PLEKHS1: variants seen among roughly 807,000 people sequenced by gnomAD.
The protein encoded by PLEKHS1 is pleckstrin homology domain containing S1, also known as pleckstrin homology domain-containing family S member 1.
PLEKHS1 carries 55 observed loss-of-function variants against 51.0 expected under a neutral mutation model. The observed-to-expected ratio is 1.08, with a 90% CI of 0.87 to 1.35. The LOEUF is 1.35. PLEKHS1 is among the 40% of genes most tolerant of loss of function. The pLI is 0.00. For missense variants in PLEKHS1, 398 were observed against 423.0 expected (o/e 0.94, Z 0.52); for synonymous variants, 153 against 144.8 (o/e 1.06, Z -0.41).
chr10:113,753,020 T>C (rs1853918741), intron 1 of PLEKHS1, among the ~76,000 whole-genome samples: 2 of 152,238 alleles, frequency 1.3e-5, no homozygotes, highest in Non-Finnish European at 2.9e-5. Flanking sequence ...AAATAATGTA[T>C]GCAAATGCAT....
At chr10:113,756,401 C>T (rs916399103) in intron 2 of PLEKHS1, among the ~76,000 whole-genome samples, 37 of 152,218 alleles carry the variant, frequency 2.4e-4, no homozygotes, top group African/African-American at 7.7e-4. Context: ...GCAGAGGTTG[C>T]AGAGAGCCAA....
intron 2 of PLEKHS1, chr10:113,764,784 C>T (rs1473760346): frequency 6.6e-6 from 1 of 152,328 alleles, no homozygotes; most frequent in Non-Finnish European, 1.5e-5. Flanking sequence ...AAATTATGTT[C>T]TAACTCTTTG....
chr10:113,771,982 C>T lies in PLEKHS1; in HGVS notation c.565C>T (p.Gln189Ter), dbSNP rs1593035057. Residue 189 changes from glutamine to a stop codon, truncating the protein, a stop_gained, in exon 8 of 12, where the codon CAA (glutamine) becomes TAA (stop). Coordinates refer to ENST00000361048, the Ensembl canonical transcript of PLEKHS1. LOFTEE classifies it high-confidence loss of function. Reference sequence around the variant, plus strand: ...CTCTTTTCTTCAGCATTTAATGGAACAAAGTTCTCCAGGATTTAGGCAAAC... The same window carrying T: ...CTCTTTTCTTCAGCATTTAATGGAATAAAGTTCTCCAGGATTTAGGCAAAC... The T allele has an allele frequency of 1.2e-6, 2 of 1,611,700 alleles. No individual in the cohort carries two copies. The highest frequency in any genetic ancestry group is 8.5e-7 in the Non-Finnish European group (1 of 1,179,506).
chr10:113,775,885 T>A lies in PLEKHS1; in HGVS notation c.1091+19T>A. ...GGATATGGTAGGTTGGAGATTTGAC[T>A]GTTGTGGATTATAAATGGGGCTGGA... On this transcript the variant is annotated intron_variant, in intron 11 of 11. Transcript: ENST00000361048. 6.5e-7 allele frequency: 1 copy of A among 1,546,202 alleles called. No homozygotes were observed. The highest frequency in any genetic ancestry group is 8.9e-7 in the Non-Finnish European group (1 of 1,125,908).
At position 113,766,472 on chromosome 10, in the gene PLEKHS1, A is replaced by C. The variant is rs570061060; in HGVS notation, c.90A>C (p.Ser30=). ...GCAAACAAGATTACTTTATTAAATC[A>C]CCACCTTCTCAGCTGTTCTCCTCTG... Residue 30 remains serine (S), a synonymous_variant, in exon 3 of 12, where the codon TCA becomes TCC. Transcript: ENST00000361048. 5 of 1,604,716 alleles carry C rather than the reference A, an allele frequency of 3.1e-6. No individual in the cohort carries two copies. The African/African-American group carries it at 5.3e-5, about 17-fold the overall frequency.
chr10:113,767,013 T>C (rs1369076836), intron 4 of PLEKHS1, among the ~76,000 whole-genome samples: 1 of 152,250 alleles, frequency 6.6e-6, no homozygotes, highest in Non-Finnish European at 1.5e-5. Context: ...ATTGTCATTT[T>C]ATAAAGTCAA....
exon 8 of PLEKHS1, chr10:113,772,060 T>C (rs771417433): frequency 1.2e-6 from 2 of 1,613,250 alleles, no homozygotes; most frequent in African/African-American, 1.3e-5. Context: ...AGAGAATCAT[T>C]ATCTTACTCC....
chr10:113,762,310 G>A lies in PLEKHS1; in HGVS notation c.29-4101G>A, dbSNP rs185639484. Among the ~76,000 whole-genome samples the A allele has an allele frequency of 5.1e-3, 713 of 140,064 alleles. 2 individuals are homozygous for A. Among genetic ancestry groups the A allele is most frequent in the African/African-American group, 0.018 (686 of 38,370 alleles). The allele number at this position is 140,064 out of a possible 152,430, so 91.9% of individuals were successfully genotyped here. On this transcript the variant is annotated intron_variant, in intron 2 of 11. Transcript: ENST00000361048. ...TTGTTTTTCTGTGTTCTCTTTCATT[G>A]AATTCCACTTTTATCTTTATTATCT...
intron 10 of PLEKHS1, 146 bp downstream of exon 10, chr10:113,775,181 A>T: frequency 1.4e-6 from 1 of 721,774 alleles, no homozygotes; most frequent in Non-Finnish European, 2.2e-6. Flanking sequence ...TCTCCCTGTC[A>T]TTGATGTTGT....
intron 8 of PLEKHS1, among the ~76,000 whole-genome samples, chr10:113,772,501 A>G (rs1318346710): frequency 2.6e-5 from 4 of 152,182 alleles, no homozygotes; most frequent in Admixed American, 1.3e-4. Flanking sequence ...TGTGCTGTGT[A>G]TCGATCAGTC....
intron 7 of PLEKHS1, 89 bp from the exon 8 acceptor site, chr10:113,771,881 C>T (rs974251490): frequency 5.4e-6 from 8 of 1,470,800 alleles, no homozygotes; most frequent in Admixed American, 2.3e-5. Context: ...TTTAACCCAA[C>T]TAATTTATTA....
At chr10:113,783,239 A>AAAC (rs538878125), downstream of PLEKHS1, 53,226 of 150,822 alleles carry the variant, frequency 0.35, 9,593 homozygotes, top group South Asian at 0.49. Flanking sequence ...AGTCTCAAAA[A>AAAC]AAAAAAAAAA....
rs1190201151 is a variant in PLEKHS1 at position 113,771,962 on chromosome 10, T to C, written c.553-8T>C. The C allele has an allele frequency of 6.2e-7, 1 of 1,601,600 alleles. No individual in the cohort carries two copies. The highest frequency in any genetic ancestry group is 8.5e-7 in the Non-Finnish European group (1 of 1,177,124). The stretch of plus-strand genomic sequence containing the variant: ...AAAAAGCAAAGCATTTTTATCTCTT[T>C]TCTTCAGCATTTAATGGAACAAAGT... On this transcript the variant is annotated splice_polypyrimidine_tract_variant and splice_region_variant and intron_variant, in intron 7 of 11. Transcript: ENST00000361048.
intron 11 of PLEKHS1, chr10:113,777,587 C>A: frequency 6.5e-7 from 1 of 1,550,110 alleles, no homozygotes. Context: ...CCTCAGTTTT[C>A]TTTTCTGTAA....
chr10:113,779,220 T>A (rs531205793), intron 11 of PLEKHS1, among the ~76,000 whole-genome samples: 4 of 152,232 alleles, frequency 2.6e-5, no homozygotes, highest in African/African-American at 9.6e-5. Flanking sequence ...GGAAAAGAAG[T>A]AGATTTCAGG....
At chr10:113,760,609 T>G (rs937024365) in intron 2 of PLEKHS1, among the ~76,000 whole-genome samples, 2 of 152,264 alleles carry the variant, frequency 1.3e-5, no homozygotes, top group Non-Finnish European at 2.9e-5. Context: ...TTGCTTATTT[T>G]CTTTAGAAGA....
chr10:113,768,865 T>A (rs745948898), exon 6 of PLEKHS1: 3 of 1,613,488 alleles, frequency 1.9e-6, no homozygotes, highest in African/African-American at 1.3e-5. Context: ...CGCCAGGATA[T>A]AAAAGCAACA....
intron 10 of PLEKHS1, among the ~76,000 whole-genome samples, chr10:113,775,498 C>G (rs1221875951): frequency 6.6e-6 from 1 of 152,170 alleles, no homozygotes; most frequent in Non-Finnish European, 1.5e-5. Context: ...TCATTTCCAG[C>G]AGAGAAATAT....
downstream of PLEKHS1, chr10:113,783,288 G>T (rs1269520738): frequency 6.6e-6 from 1 of 151,540 alleles, no homozygotes; most frequent in Non-Finnish European, 1.5e-5. Context: ...TCATATCATT[G>T]AACACTGTAG....
Sources: gnomAD v4.1 joint callset for allele counts (sites outside exome capture counted in the v4.1 genomes callset) on GRCh38, gnomAD v4.1.1 for gene constraint, MANE v1.5 for transcripts, NCBI Gene and HGNC (gene_info 2026-07-23, HGNC 2026-07-21) for gene names.